Variants in SNX1 observed in about 807,000 individuals in gnomAD.
SNX1 encodes the protein sorting nexin 1.
Under a neutral mutation model 71.8 loss-of-function variants are expected in SNX1, and 36 were observed. The observed-to-expected ratio is 0.50, with a 90% CI of 0.38 to 0.66. The LOEUF (loss-of-function observed/expected upper bound fraction) is 0.66, where lower values mean the gene tolerates loss of function less well. Among genes scored for constraint, SNX1 ranks in the 30% least tolerant of loss-of-function variants. The probability of loss-of-function intolerance (pLI) is 0.00; values close to 1 mark genes in which losing one functional copy is unlikely to be tolerated. For missense variants in SNX1, 612 were observed against 646.7 expected (o/e 0.95, Z 0.58); for synonymous variants, 254 against 240.7 (o/e 1.06, Z -0.51).
At chr15:64,113,761 C>G (rs1440641834) in intron 2 of SNX1, among the ~76,000 whole-genome samples, 1 of 151,994 alleles carries the variant, frequency 6.6e-6, no homozygotes, top group African/African-American at 2.4e-5. Flanking sequence ...GTGGAAGTTG[C>G]AGTGAGCTGA....
At chr15:64,098,617 G>A (rs2080926579) in intron 1 of SNX1, among the ~76,000 whole-genome samples, 2 of 150,668 alleles carry the variant, frequency 1.3e-5, no homozygotes, top group African/African-American at 4.9e-5. Context: ...TTGAACCCGG[G>A]AGGCAGAGGT....
Position 64,131,727 on chromosome 15 carries a change from C to T in SNX1, c.1056C>T (p.Ala352=). 2 of 1,614,212 alleles carry T rather than the reference C, an allele frequency of 1.2e-6. No individual in the cohort carries two copies. The highest frequency in any genetic ancestry group is 1.7e-6 in the Non-Finnish European group (2 of 1,180,056). Residue 352 remains alanine (A), a synonymous_variant, in exon 11 of 15, where the codon GCC becomes GCT. Coordinates refer to ENST00000559844, the MANE Select transcript of SNX1 (RefSeq NM_003099.5). ...CAGCCCAGTTTGCAAAGAGTCTAGC[C>T]ATGCTTGGGAGCTCTGAGGACAACA... ...LNTAQFAKSL[A]MLGSSEDNTA...
chr15:64,115,644 G>A (rs1203279841), intron 2 of SNX1: 3 of 314,482 alleles, frequency 9.5e-6, no homozygotes, highest in Non-Finnish European at 1.9e-5. Flanking sequence ...GCTCACTGCA[G>A]CCCCGACCTC....
chr15:64,104,738 A>G (rs1249598280), intron 1 of SNX1, among the ~76,000 whole-genome samples: 2 of 151,708 alleles, frequency 1.3e-5, no homozygotes, highest in East Asian at 3.9e-4. Flanking sequence ...TACAAAATTT[A>G]GCTGGGTGTG....
In SNX1 at chr15:64,130,044, G is replaced by A. The variant is rs751712193; in HGVS notation, c.921+15G>A. Reference sequence around the variant, plus strand: ...AATCAGACATTGTGAGTAGCCCTGTGCCTCTTACCTCCACCTACACCTCAG... The same window carrying A: ...AATCAGACATTGTGAGTAGCCCTGTACCTCTTACCTCCACCTACACCTCAG... On this transcript the variant is annotated intron_variant, in intron 9 of 14. Coordinates refer to ENST00000559844, the MANE Select transcript of SNX1 (RefSeq NM_003099.5). 5 of 1,583,704 alleles carry A rather than the reference G, an allele frequency of 3.2e-6. No individual in the cohort carries two copies. In the East Asian group the frequency reaches 1.1e-4, roughly 35 times the overall value.
rs181775967 is a variant in SNX1 at position 64,110,367 on chromosome 15, A to G, written c.160-2206A>G. On this transcript the variant is annotated intron_variant, in intron 1 of 14. Transcript: ENST00000559844. Reference sequence around the variant, plus strand: ...CAAGTAGTTGTTATCTAGCTTACTAAGGGAACATAAGTCTGTTTTAATCAC... The same window carrying G: ...CAAGTAGTTGTTATCTAGCTTACTAGGGGAACATAAGTCTGTTTTAATCAC... 3.3e-5 allele frequency among the ~76,000 whole-genome samples: 5 copies of G among 152,222 alleles called. No homozygotes were observed. In the East Asian group the frequency reaches 9.7e-4, roughly 29 times the overall value.
chr15:64,103,132 G>C (rs893982265), intron 1 of SNX1, among the ~76,000 whole-genome samples: 1 of 152,102 alleles, frequency 6.6e-6, no homozygotes, highest in African/African-American at 2.4e-5. Flanking sequence ...TATCTTGACT[G>C]TTGTGAATAG....
rs760880775 is a variant in SNX1 at position 64,131,779 on chromosome 15, C to T, written c.1108C>T (p.Leu370=). ...GGCATTGTCACGGGCACTCTCCCAG[C>T]TGGCTGAGGTGGAAGAAAAAATTGA... ...NTALSRALSQ[L]AEVEEKIEQL... is the part of the protein sequence containing the mutation. Residue 370 remains leucine (L), a synonymous_variant, in exon 11 of 15, where the codon CTG becomes TTG. Coordinates refer to ENST00000559844, the MANE Select transcript of SNX1 (RefSeq NM_003099.5). 5 of 1,614,120 alleles carry T rather than the reference C, an allele frequency of 3.1e-6. No individual in the cohort carries two copies. The highest frequency in any genetic ancestry group is 3.4e-6 in the Non-Finnish European group (4 of 1,180,050).
At chr15:64,127,105 TAAAA>T in intron 6 of SNX1, 65 bp from the exon 7 acceptor site, 2 of 1,085,170 alleles carry the variant, frequency 1.8e-6, no homozygotes, top group Non-Finnish European at 2.6e-6. Context: ...TGTTGACACT[TAAAA>T]AAAAAAAAGA....
chr15:64,125,326 C>G (rs930868114), intron 5 of SNX1, among the ~76,000 whole-genome samples: 1 of 151,812 alleles, frequency 6.6e-6, no homozygotes, highest in Non-Finnish European at 1.5e-5. Context: ...TTAGCTGGGC[C>G]TGGTGGCAGG....
At position 64,119,196 on chromosome 15, in the gene SNX1, A is replaced by G. The variant is rs533071775; in HGVS notation, c.466+342A>G. On this transcript the variant is annotated intron_variant, in intron 4 of 14. Transcript: ENST00000559844. ...CACAGTAGCACTATCATAGCTCACT[A>G]TCATCTCCAGCTCCTGGACTCAAGC... 1.2e-4 allele frequency among the ~76,000 whole-genome samples: 18 copies of G among 152,224 alleles called. No individual in the cohort carries two copies. The East Asian group carries it at 2.5e-3, about 21-fold the overall frequency.
At chr15:64,107,709 G>T (rs1230406819) in intron 1 of SNX1, among the ~76,000 whole-genome samples, 1 of 150,348 alleles carries the variant, frequency 6.7e-6, no homozygotes, top group African/African-American at 2.4e-5. Context: ...GTAAGCAAGT[G>T]TTGGATATCC....
At position 64,134,581 on chromosome 15, in the gene SNX1, C is replaced by T. The variant is rs2081337836; in HGVS notation, c.1222-83C>T. 1.3e-6 allele frequency: 2 copies of T among 1,505,050 alleles called. No homozygotes were observed. Among genetic ancestry groups the T allele is most frequent in the African/African-American group, 2.8e-5 (2 of 72,280 alleles). The allele number at this position is 1,505,050 out of a possible 1,614,324, so 93.2% of individuals were successfully genotyped here. On this transcript the variant is annotated intron_variant, in intron 11 of 14. Coordinates refer to ENST00000559844, the MANE Select transcript of SNX1 (RefSeq NM_003099.5). This position sits in a 1 kb window ranked among gnomAD's most constrained non-coding sequence, Gnocchi z 4.1. ...CTTGCTCAGTCTGTCCCTGGTGCAG[C>T]TGCTGGGAGAGCCTGCCTCGAGGCA...
At chr15:64,136,550 G>C in intron 13 of SNX1, 140 bp downstream of exon 13, 3 of 728,546 alleles carry the variant, frequency 4.1e-6, no homozygotes, top group Admixed American at 2.1e-5. Flanking sequence ...CCTTCTTTGG[G>C]GGGGTGTGTG....
chr15:64,114,567 G>A (rs1334887110), intron 2 of SNX1, among the ~76,000 whole-genome samples: 1 of 152,192 alleles, frequency 6.6e-6, no homozygotes, highest in Non-Finnish European at 1.5e-5. Context: ...GGGAAGACAA[G>A]AGCTGGACAT....
chr15:64,123,172 G>T (rs914746217), intron 4 of SNX1, among the ~76,000 whole-genome samples: 1 of 152,174 alleles, frequency 6.6e-6, no homozygotes, highest in African/African-American at 2.4e-5. Flanking sequence ...CCAAATATTG[G>T]CATGGTAACA....
At chr15:64,099,019 T>G (rs2080931082) in intron 1 of SNX1, among the ~76,000 whole-genome samples, 1 of 152,228 alleles carries the variant, frequency 6.6e-6, no homozygotes, top group South Asian at 2.1e-4. Flanking sequence ...CTAGTTTAAC[T>G]GTCTTGTTAA....
At chr15:64,128,820 G>C (rs1342455255) in intron 8 of SNX1, among the ~76,000 whole-genome samples, 2 of 152,144 alleles carry the variant, frequency 1.3e-5, no homozygotes, top group Non-Finnish European at 2.9e-5. Flanking sequence ...CCTATGCATT[G>C]TAGAGGGTTT....
chr15:64,105,324 GC>G (rs1444395485), intron 1 of SNX1, among the ~76,000 whole-genome samples: 1 of 152,082 alleles, frequency 6.6e-6, no homozygotes, highest in African/African-American at 2.4e-5. Flanking sequence ...AGGTGGTAAG[GC>G]CACTCTGACA....
Sources: gnomAD v4.1 joint callset for allele counts (sites outside exome capture counted in the v4.1 genomes callset) on GRCh38, gnomAD v4.1.1 for gene constraint, Gnocchi (gnomAD v3.1) non-coding constraint, MANE v1.5 for transcripts, NCBI Gene and HGNC (gene_info 2026-07-23, HGNC 2026-07-21) for gene names.